Variants in DPYD observed in about 807,000 individuals in gnomAD.
The protein encoded by DPYD is dihydropyrimidine dehydrogenase [NADP(+)].
DPYD carries 109 observed loss-of-function variants against 116.2 expected under a neutral mutation model. The observed-to-expected ratio is 0.94, with a 90% CI of 0.80 to 1.10. The LOEUF (loss-of-function observed/expected upper bound fraction) is 1.10, where lower values mean the gene tolerates loss of function less well. DPYD is among the 50% of genes least tolerant of loss of function. DPYD has a pLI of 0.00. For missense variants in DPYD, 1,302 were observed against 1,254.5 expected (o/e 1.04, Z -0.57); for synonymous variants, 440 against 432.0 (o/e 1.02, Z -0.23).
chr1:97,318,673 G>C (rs550722376), intron 16 of DPYD, among the ~76,000 whole-genome samples: 1 of 151,112 alleles, frequency 6.6e-6, no homozygotes, highest in South Asian at 2.1e-4. Flanking sequence ...ACAGATCAAC[G>C]AGACAGAAAG....
At chr1:97,440,789 A>G (rs1675743188) in intron 14 of DPYD, among the ~76,000 whole-genome samples, 1 of 152,128 alleles carries the variant, frequency 6.6e-6, no homozygotes, top group Admixed American at 6.6e-5. Flanking sequence ...ATGTAGTTAC[A>G]ATTCTGGTGG....
intron 12 of DPYD, chr1:97,546,916 G>T: frequency 6.2e-7 from 1 of 1,608,290 alleles, no homozygotes; most frequent in Non-Finnish European, 8.5e-7. Flanking sequence ...TGAGGGCTTT[G>T]AAGATAGCTT....
At chr1:97,842,745 C>T (rs1250927144) in intron 2 of DPYD, among the ~76,000 whole-genome samples, 2 of 151,922 alleles carry the variant, frequency 1.3e-5, no homozygotes, top group Non-Finnish European at 2.9e-5. Context: ...ATGCAATAAA[C>T]GTTTGTTAAG....
At chr1:97,287,529 G>C (rs1250091925) in intron 18 of DPYD, among the ~76,000 whole-genome samples, 1 of 152,190 alleles carries the variant, frequency 6.6e-6, no homozygotes, top group Non-Finnish European at 1.5e-5. Flanking sequence ...CCTGCCCCCA[G>C]AGGTGGAGCC....
intron 14 of DPYD, among the ~76,000 whole-genome samples, chr1:97,388,767 C>G (rs755823407): frequency 1.3e-5 from 2 of 152,058 alleles, no homozygotes; most frequent in African/African-American, 4.8e-5. Context: ...GCAGCCTGTA[C>G]AAGATCACGG....
At chr1:97,322,315 G>T (rs1205949296) in intron 16 of DPYD, among the ~76,000 whole-genome samples, 1 of 150,268 alleles carries the variant, frequency 6.7e-6, no homozygotes, top group Non-Finnish European at 1.5e-5. Context: ...GTAGGAGCTG[G>T]AAAGAAATAT....
At position 97,420,940 on chromosome 1, in the gene DPYD, T is replaced by C. The variant is rs115117615; in HGVS notation, c.1905+29119A>G. Among the ~76,000 whole-genome samples, 442 of 152,322 alleles carry C rather than the reference T, an allele frequency of 2.9e-3. 2 individuals are homozygous for C. The highest frequency in any genetic ancestry group is 0.01 in the African/African-American group (434 of 41,580). ...ACATTGTGTGTTTCTCATCTGCACA[T>C]AGTTTTCTGAAACTATTTAGTTGCT... On this transcript the variant is annotated intron_variant, in intron 14 of 22. Transcript: ENST00000370192.
chr1:97,096,915 A>C (rs1206592199), intron 21 of DPYD, among the ~76,000 whole-genome samples: 1 of 152,098 alleles, frequency 6.6e-6, no homozygotes, highest in East Asian at 1.9e-4. Flanking sequence ...TGTAACACTC[A>C]CTGCGAAGGT....
At chr1:97,144,518 A>C (rs903419300) in intron 20 of DPYD, among the ~76,000 whole-genome samples, 1 of 152,190 alleles carries the variant, frequency 6.6e-6, no homozygotes, top group Non-Finnish European at 1.5e-5. Flanking sequence ...AACTTTGCTA[A>C]ATTTTTTCCC....
At chr1:97,806,660 C>A (rs1320716542) in intron 3 of DPYD, among the ~76,000 whole-genome samples, 1 of 151,854 alleles carries the variant, frequency 6.6e-6, no homozygotes, top group African/African-American at 2.4e-5. Flanking sequence ...CTAACATTGA[C>A]ACATCATTAT....
At chr1:97,484,323 A>G (rs1222608030) in intron 13 of DPYD, among the ~76,000 whole-genome samples, 2 of 152,238 alleles carry the variant, frequency 1.3e-5, no homozygotes, top group East Asian at 1.9e-4. Flanking sequence ...AACAAAAACA[A>G]AAACAAAAAA....
chr1:97,632,017 A>G (rs1469311547), intron 8 of DPYD, among the ~76,000 whole-genome samples: 1 of 152,146 alleles, frequency 6.6e-6, no homozygotes, highest in Non-Finnish European at 1.5e-5. Context: ...CCAAAAGTGC[A>G]TAAGCAGAAG....
At chr1:97,259,332 T>G (rs575699941) in intron 18 of DPYD, among the ~76,000 whole-genome samples, 1 of 152,226 alleles carries the variant, frequency 6.6e-6, no homozygotes, top group Admixed American at 6.6e-5. Context: ...TACATTCTCC[T>G]TTCCTCTCTT....
At chr1:97,769,518 G>C (rs1326591299) in intron 3 of DPYD, among the ~76,000 whole-genome samples, 2 of 152,106 alleles carry the variant, frequency 1.3e-5, no homozygotes, top group East Asian at 1.9e-4. Context: ...TTTTAGATTA[G>C]AAAAACAGTT....
At chr1:97,438,986 T>C (rs941434009) in intron 14 of DPYD, among the ~76,000 whole-genome samples, 5 of 152,178 alleles carry the variant, frequency 3.3e-5, no homozygotes, top group Admixed American at 6.5e-5. Context: ...TCTTTCACTA[T>C]TTAGTATGAT....
At chr1:97,769,312 T>C (rs1425737929) in intron 3 of DPYD, among the ~76,000 whole-genome samples, 1 of 152,136 alleles carries the variant, frequency 6.6e-6, no homozygotes, top group Non-Finnish European at 1.5e-5. Flanking sequence ...AAAGTAATAG[T>C]CAACAAGGTG....
intron 8 of DPYD, among the ~76,000 whole-genome samples, chr1:97,642,113 T>C (rs1052055941): frequency 6.6e-5 from 10 of 152,068 alleles, no homozygotes; most frequent in Non-Finnish European, 2.9e-5. Context: ...CACAATCAAA[T>C]GGAAAAACAT....
At chr1:97,879,893 A>T (rs10875112) in intron 2 of DPYD, among the ~76,000 whole-genome samples, 110,065 of 151,540 alleles carry the variant, frequency 0.73, 40,609 homozygotes, top group East Asian at 0.93. Flanking sequence ...AATAGAAAAA[A>T]GGAAGAAGAA....
chr1:97,235,824 C>T (rs1339254396), intron 18 of DPYD, among the ~76,000 whole-genome samples: 1 of 151,682 alleles, frequency 6.6e-6, no homozygotes, highest in Non-Finnish European at 1.5e-5. Context: ...GTACTTCCCA[C>T]AATTTGAAAA....
Sources: gnomAD v4.1 joint callset for allele counts (sites outside exome capture counted in the v4.1 genomes callset) on GRCh38, gnomAD v4.1.1 for gene constraint, MANE v1.5 for transcripts, NCBI Gene and HGNC (gene_info 2026-07-23, HGNC 2026-07-21) for gene names.